DST: variants seen among roughly 807,000 people sequenced by gnomAD.
The protein encoded by DST is bullous pemphigoid antigen.
In DST, 253 loss-of-function variants were observed where a neutral mutation model predicts 875.2. The ratio of observed to expected loss-of-function variants is 0.29; its 90% confidence interval spans 0.26 to 0.32. The LOEUF is 0.32. Among genes scored for constraint, DST ranks in the 10% least tolerant of loss-of-function variants. The pLI is 1.00. For missense variants in DST, 8,287 were observed against 9,111.6 expected (o/e 0.91, Z 3.68); for synonymous variants, 3,124 against 3,197.1 (o/e 0.98, Z 0.77).
At position 56,670,659 on chromosome 6, in the gene DST, G is replaced by A. The variant is rs1404574298; in HGVS notation, c.1196C>T (p.Ala399Val). 2 of 1,587,036 alleles carry A rather than the reference G, an allele frequency of 1.3e-6. No individual in the cohort carries two copies. The highest frequency in any genetic ancestry group is 2.3e-5 in the South Asian group (2 of 86,096). Residue 399 changes from alanine (A) to valine (V), a missense_variant, in exon 10 of 104, where the codon GCC becomes GTC. This residue lies in a region of DST where 1,160 missense variants were observed against 1,424.3 expected (regional missense o/e 0.81). Coordinates refer to ENST00000680361, the MANE Select transcript of DST (RefSeq NM_001374736.1). ...TCWRDGKLFN[A>V]IIHKYRPDLI... ...TCCATACCTGTATTTATGAATGATG[G>A]CATTAAATAATTTTCCATCTCTCCA...
At chr6:56,517,898 T>G (rs180771063) in intron 69 of DST, among the ~76,000 whole-genome samples, 3 of 152,284 alleles carry the variant, frequency 2.0e-5, no homozygotes, top group Middle Eastern at 3.4e-3. Context: ...TCAGGCAGTC[T>G]TAATAATTTG....
chr6:56,602,977 C>T lies in DST; in HGVS notation c.11212G>A (p.Asp3738Asn), dbSNP rs1426448639. The change falls in exon 43 of 104, where the codon GAT becomes AAT. Residue 3738 changes from aspartate to asparagine, a missense_variant. Coordinates refer to ENST00000680361, the MANE Select transcript of DST (RefSeq NM_001374736.1). ...EFLHKLKSFS[D>N]WVSEKSKSVK... ...GATTTGCTCTTCTCTGATACCCAAT[C>T]TGAGAATGACTTAAGTTTATGCAGA... 8 of 1,594,734 alleles carry T rather than the reference C, an allele frequency of 5.0e-6. No individual in the cohort carries two copies. The highest frequency in any genetic ancestry group is 6.0e-6 in the Non-Finnish European group (7 of 1,174,742).
chr6:56,899,342 T>G (rs1249184212), intron 3 of DST, among the ~76,000 whole-genome samples: 2 of 152,250 alleles, frequency 1.3e-5, no homozygotes, highest in East Asian at 3.8e-4. Flanking sequence ...AACCCTCATT[T>G]CTAAATATGT....
At position 56,477,336 on chromosome 6, in the gene DST, C is replaced by T; in HGVS notation, c.21675+9G>A. 3 of 1,612,662 alleles carry T rather than the reference C, an allele frequency of 1.9e-6. No homozygotes were observed. Among genetic ancestry groups the T allele is most frequent in the Middle Eastern group, 1.7e-4 (1 of 6,048 alleles). On this transcript the variant is annotated intron_variant, in intron 91 of 103. Transcript: ENST00000680361. ...TTGCTACTCTGAAGATTATCTGAGA[C>T]ACACTGACCTCCTCAAACCTCGCCC... is the stretch of plus-strand genomic sequence containing the variant.
At chr6:56,701,202 G>T in intron 8 of DST, among the ~76,000 whole-genome samples, 1 of 151,210 alleles carries the variant, frequency 6.6e-6, no homozygotes, top group South Asian at 2.1e-4. Context: ...GACTCTCACT[G>T]TCTTCAATAA....
chr6:56,692,651 C>A (rs1007544857), intron 9 of DST: 1 of 1,289,640 alleles, frequency 7.8e-7, no homozygotes, highest in Non-Finnish European at 1.0e-6. Flanking sequence ...AATGTTATTT[C>A]GCTTGTGTTG....
Position 56,560,319 on chromosome 6 carries a change from T to A in DST, c.14415A>T (p.Arg4805Ser), listed in dbSNP as rs376438027. 12 of 1,611,354 alleles carry A rather than the reference T, an allele frequency of 7.4e-6. No individual in the cohort carries two copies. Among genetic ancestry groups the A allele is most frequent in the African/African-American group, 1.3e-5 (1 of 74,872 alleles). ...CTATTTCTGTCAACATCTGTTTCCATCTGGGGGCCTCAGGAGTATCTGGGT... is the reference window on the plus strand; with the variant it reads ...CTATTTCTGTCAACATCTGTTTCCAACTGGGGGCCTCAGGAGTATCTGGGT... ...EENPDTPEAP[R>S]WKQMLTEIDS... is the part of the protein sequence containing the mutation. The change falls in exon 58 of 104, where the codon AGA (arginine) becomes AGT (serine). Residue 4805 changes from arginine (R) to serine (S), a missense_variant. By Grantham distance (110) the Arg-to-Ser change is moderately radical. This residue lies in a region of DST where 1,513 missense variants were observed against 1,677.8 expected (regional missense o/e 0.90). Transcript: ENST00000680361.
intron 4 of DST, among the ~76,000 whole-genome samples, chr6:56,741,920 C>A (rs2099548159): frequency 6.6e-6 from 1 of 151,892 alleles, no homozygotes; most frequent in Non-Finnish European, 1.5e-5. Flanking sequence ...TATGTAACGA[C>A]AATGAAGACA....
chr6:56,836,222 CT>C (rs1489935785), intron 4 of DST, among the ~76,000 whole-genome samples: 1 of 152,120 alleles, frequency 6.6e-6, no homozygotes, highest in Non-Finnish European at 1.5e-5. Flanking sequence ...TCTGCAGTAT[CT>C]CCCAGTCAAT....
intron 4 of DST, among the ~76,000 whole-genome samples, chr6:56,814,367 A>C (rs1479275189): frequency 2.0e-5 from 3 of 152,150 alleles, no homozygotes; most frequent in Non-Finnish European, 4.4e-5. Context: ...CTTTGATCAA[A>C]ATCCTTCCAC....
chr6:56,465,955 G>A (rs2094561026), intron 99 of DST, 123 bp downstream of exon 99: 1 of 621,150 alleles, frequency 1.6e-6, no homozygotes, highest in Non-Finnish European at 2.7e-6. Flanking sequence ...TAGGCTGACA[G>A]ACCAATGTGA....
At chr6:56,506,373 A>G (rs904601877) in intron 77 of DST, 70 bp downstream of exon 77, 4 of 1,258,268 alleles carry the variant, frequency 3.2e-6, no homozygotes, top group African/African-American at 3.0e-5. Context: ...GGTGGTGCCA[A>G]TATGTAGACA....
At chr6:56,475,538 T>A (rs967471840) in intron 92 of DST, among the ~76,000 whole-genome samples, 2 of 152,066 alleles carry the variant, frequency 1.3e-5, no homozygotes, top group African/African-American at 4.8e-5. Flanking sequence ...TAAATCAAAG[T>A]GAGTGTGACA....
chr6:56,513,869 A>C (rs780386935), intron 72 of DST, among the ~76,000 whole-genome samples: 4 of 152,198 alleles, frequency 2.6e-5, no homozygotes, highest in Non-Finnish European at 4.4e-5. Flanking sequence ...GATATCTATC[A>C]TGTGGTAACA....
chr6:56,852,570 A>C (rs1321653134), intron 3 of DST, among the ~76,000 whole-genome samples: 2 of 152,232 alleles, frequency 1.3e-5, no homozygotes, highest in Non-Finnish European at 2.9e-5. Flanking sequence ...ACAAGATGTT[A>C]TTCCTTCCTT....
intron 2 of DST, among the ~76,000 whole-genome samples, chr6:56,951,467 T>C (rs1048545805): frequency 3.3e-5 from 5 of 152,228 alleles, no homozygotes; most frequent in African/African-American, 1.2e-4. Context: ...TTCTATTTTT[T>C]AAAATATGTT....
At chr6:56,942,497 G>C (rs1027287472) in intron 2 of DST, among the ~76,000 whole-genome samples, 4 of 151,838 alleles carry the variant, frequency 2.6e-5, no homozygotes, top group African/African-American at 9.7e-5. Flanking sequence ...GTTGCTCTGA[G>C]AGTTAAAATA....
Position 56,546,370 on chromosome 6 carries a change from AT to A in DST, c.16608+5813del, listed in dbSNP as rs2097223932. 5.1e-5 allele frequency among the ~76,000 whole-genome samples: 7 copies of A among 136,098 alleles called. No homozygotes were observed. The East Asian group carries it at 1.6e-3, about 30-fold the overall frequency. 89.3% of individuals were successfully genotyped at this position (136,098 alleles called of 152,430 possible). The stretch of plus-strand genomic sequence containing the variant: ...TTCATATATATATATATATATATAT[AT>A]ATATATATATATATATATAAATGTC... On this transcript the variant is annotated intron_variant, in intron 61 of 103. Transcript: ENST00000680361.
chr6:56,477,163 C>G (rs2095234016), intron 91 of DST, among the ~76,000 whole-genome samples, 182 bp downstream of exon 91: 1 of 152,094 alleles, frequency 6.6e-6, no homozygotes, highest in Non-Finnish European at 1.5e-5. Context: ...TTTCTTTGAG[C>G]TTTTAAAGAA....
Sources: allele counts gnomAD v4.1 joint callset (sites outside exome capture counted in the v4.1 genomes callset), GRCh38; gene constraint gnomAD v4.1.1; regional missense constraint gnomAD v4.1.1; transcripts MANE v1.5; gene names NCBI Gene and HGNC (gene_info 2026-07-23, HGNC 2026-07-21).